The following TRIM69 variants were observed in gnomAD, a reference collection of about 807,000 sequenced individuals.
TRIM69 encodes tripartite motif containing 69.
Under a neutral mutation model 37.7 loss-of-function variants are expected in TRIM69, and 29 were observed. The ratio of observed to expected loss-of-function variants is 0.77; its 90% CI spans 0.57 to 1.05. The LOEUF (loss-of-function observed/expected upper bound fraction) is 1.05. Among genes scored for constraint, TRIM69 ranks in the 50% least tolerant of loss-of-function variants. The pLI is 0.00. For missense variants in TRIM69, 596 were observed against 579.9 expected (o/e 1.03, Z -0.28); for synonymous variants, 209 against 212.4 (o/e 0.98, Z 0.14).
intron 1 of TRIM69, among the ~76,000 whole-genome samples, chr15:44,749,499 T>C (rs561082818): frequency 4.5e-4 from 68 of 152,314 alleles, no homozygotes; most frequent in African/African-American, 1.6e-3. Context: ...ACCTTTTGTG[T>C]CTGGGTTTTT....
At chr15:44,738,249 T>TA (rs1555392731) in intron 1 of TRIM69, among the ~76,000 whole-genome samples, 1 of 150,138 alleles carries the variant, frequency 6.7e-6, no homozygotes, top group African/African-American at 2.4e-5. Flanking sequence ...ATTTTTTTTT[T>TA]TAGTAGAGAT....
intron 1 of TRIM69, among the ~76,000 whole-genome samples, chr15:44,749,356 C>CCAGTCACTTCCAGTGATATGAG (rs2087473408): frequency 6.6e-6 from 1 of 152,198 alleles, no homozygotes; most frequent in South Asian, 2.1e-4. Flanking sequence ...AACCCCATGA[C>CCAGTCACTTCCAGTGATATGAG]CAGTCACTTC....
intron 6 of TRIM69, 147 bp from the exon 7 acceptor site, chr15:44,767,084 A>AAAAAAAAAAT: frequency 2.6e-6 from 1 of 386,862 alleles, no homozygotes; most frequent in Non-Finnish European, 4.5e-6. Flanking sequence ...AAAAAAAAAA[A>AAAAAAAAAAT]GCATATAAGT....
chr15:44,767,125 A>G, intron 6 of TRIM69, 106 bp from the exon 7 acceptor site: 1 of 541,246 alleles, frequency 1.8e-6, no homozygotes, highest in Non-Finnish European at 3.1e-6. Context: ...GTCTATGTGT[A>G]TGGGGAGATA....
chr15:44,741,943 G>A (rs1003915441), intron 1 of TRIM69, among the ~76,000 whole-genome samples: 13 of 152,224 alleles, frequency 8.5e-5, no homozygotes, highest in Admixed American at 8.5e-4. Flanking sequence ...CAGAAAAAGA[G>A]GGAATCCTCC....
At chr15:44,743,733 A>G (rs1377478798) in intron 1 of TRIM69, among the ~76,000 whole-genome samples, 35 of 152,234 alleles carry the variant, frequency 2.3e-4, no homozygotes, top group Admixed American at 2.3e-3. Context: ...CCATCAGAGA[A>G]ATGCAAATCA....
chr15:44,745,980 G>C (rs970164764), intron 1 of TRIM69, among the ~76,000 whole-genome samples: 4 of 151,986 alleles, frequency 2.6e-5, no homozygotes, highest in Admixed American at 6.6e-5. Flanking sequence ...GGAAATAATG[G>C]TTTAAAACTT....
intron 6 of TRIM69, among the ~76,000 whole-genome samples, chr15:44,761,584 A>T (rs1392672743): frequency 2.0e-5 from 3 of 151,728 alleles, no homozygotes; most frequent in Non-Finnish European, 4.4e-5. Context: ...TGCGCCTCAG[A>T]CTCCCCAGTA....
intron 1 of TRIM69, among the ~76,000 whole-genome samples, chr15:44,738,898 T>A (rs982212282): frequency 3.9e-5 from 6 of 152,158 alleles, no homozygotes; most frequent in Non-Finnish European, 8.8e-5. Flanking sequence ...ATATAATTAA[T>A]CCCTTGTTTT....
chr15:44,758,974 C>T (rs2087714608), intron 4 of TRIM69, 120 bp downstream of exon 4: 4 of 1,253,504 alleles, frequency 3.2e-6, no homozygotes, highest in Non-Finnish European at 4.3e-6. Context: ...CAAAACAAAA[C>T]TGTTATAGTG....
chr15:44,759,719 T>G (rs373304968), intron 5 of TRIM69, 29 bp from the exon 6 acceptor site: 197 of 1,614,028 alleles, frequency 1.2e-4, no homozygotes, highest in Non-Finnish European at 1.5e-4. Context: ...GGAGGATGTC[T>G]AAGGATAAAT....
rs192116074 is a variant in TRIM69, at chr15:44,744,248, T to C, written c.6+7538T>C. On this transcript the variant is annotated intron_variant, in intron 1 of 6. Transcript: ENST00000329464. ...GCATGTTCTCACTCATAGGTGGGAA[T>C]TGAACACTGAGAACACATGGACACA... is the stretch of plus-strand genomic sequence containing the variant. 3.1e-3 allele frequency among the ~76,000 whole-genome samples: 422 copies of C among 136,346 alleles called. 5 individuals are homozygous for C. The highest frequency in any genetic ancestry group is 0.011 in the African/African-American group (386 of 36,166). 89.4% of individuals were successfully genotyped at this position (136,346 alleles called of 152,430 possible).
At chr15:44,761,481 G>A (rs1029986280) in intron 6 of TRIM69, among the ~76,000 whole-genome samples, 9 of 151,930 alleles carry the variant, frequency 5.9e-5, no homozygotes, top group African/African-American at 2.2e-4. Context: ...TTGGTGGGAG[G>A]GTGGGACAGA....
chr15:44,752,165 T>C (rs952728574), intron 1 of TRIM69, among the ~76,000 whole-genome samples: 3 of 152,198 alleles, frequency 2.0e-5, no homozygotes, highest in African/African-American at 7.2e-5. Flanking sequence ...TTATGAATTT[T>C]CCAGTTTTTC....
At position 44,738,442 on chromosome 15, in the gene TRIM69, C is replaced by T. The variant is rs143421917; in HGVS notation, c.6+1732C>T. Among the ~76,000 whole-genome samples, 509 of 152,214 alleles carry T rather than the reference C, an allele frequency of 3.3e-3. 2 individuals are homozygous for T. Among genetic ancestry groups the T allele is most frequent in the African/African-American group, 0.012 (485 of 41,520 alleles). On this transcript the variant is annotated intron_variant, in intron 1 of 6. Coordinates refer to ENST00000329464, the MANE Select transcript of TRIM69 (RefSeq NM_182985.5). ...TAAGGATGAATATCAATTCCTGACT[C>T]GAGTTTCTCTCTCTCTGCCTTAAGG...
intron 1 of TRIM69, among the ~76,000 whole-genome samples, chr15:44,738,176 A>G (rs771571158): frequency 6.7e-6 from 1 of 150,366 alleles, no homozygotes; most frequent in Admixed American, 6.6e-5. Flanking sequence ...CTCATGCCTC[A>G]GCATCCCAAA....
chr15:44,764,821 AC>A (rs2141150701), intron 6 of TRIM69, among the ~76,000 whole-genome samples: 1 of 152,328 alleles, frequency 6.6e-6, no homozygotes, highest in South Asian at 2.1e-4. Context: ...AATTATAAGG[AC>A]CCTGAAGTAG....
intron 4 of TRIM69, 89 bp from the exon 5 acceptor site, chr15:44,759,551 C>T: frequency 3.6e-6 from 5 of 1,395,220 alleles, no homozygotes; most frequent in Non-Finnish European, 5.0e-6. Context: ...GGACCATCTG[C>T]ACAAATTCTG....
chr15:44,748,110 A>G (rs948663062), intron 1 of TRIM69, among the ~76,000 whole-genome samples: 3 of 152,218 alleles, frequency 2.0e-5, no homozygotes, highest in Non-Finnish European at 4.4e-5. Flanking sequence ...TCTGAGCTCC[A>G]GTTTTCCTCT....
Sources: gnomAD v4.1 joint callset for allele counts (sites outside exome capture counted in the v4.1 genomes callset) on GRCh38, gnomAD v4.1.1 for gene constraint, MANE v1.5 for transcripts, NCBI Gene and HGNC (gene_info 2026-07-23, HGNC 2026-07-21) for gene names.